RHOT1: variants seen among roughly 807,000 people sequenced by gnomAD.
RHOT1 encodes the protein mitochondrial Rho GTPase 1.
In RHOT1, 27 loss-of-function variants were observed where a neutral mutation model predicts 95.3. That is an observed-to-expected ratio of 0.28 (90% confidence interval 0.21 to 0.39). The LOEUF (loss-of-function observed/expected upper bound fraction) is 0.39, where lower values mean the gene tolerates loss of function less well. RHOT1 is among the 10% of genes least tolerant of loss of function. The pLI is 1.00. For synonymous variants in RHOT1, 227 were observed against 263.5 expected (o/e 0.86, Z 1.34); for missense variants, 578 against 786.7 (o/e 0.73, Z 3.17).
At chr17:32,214,894 C>CTTTTTTTTTT (rs551151153) in intron 19 of RHOT1, among the ~76,000 whole-genome samples, 1 of 52,836 alleles carries the variant, frequency 1.9e-5, no homozygotes, top group African/African-American at 8.1e-5. Flanking sequence ...AAAGGCTTGT[C>CTTTTTTTTTT]TTTTTTTTTT....
chr17:32,171,985 T>C (rs915236870), intron 2 of RHOT1, among the ~76,000 whole-genome samples: 5 of 152,226 alleles, frequency 3.3e-5, no homozygotes, highest in Non-Finnish European at 7.3e-5. Flanking sequence ...GGCTAAACTT[T>C]GCATAAAGTT....
In RHOT1 at chr17:32,208,132, C is replaced by A. The variant is rs374764370; in HGVS notation, c.1562C>A (p.Pro521His). Reference sequence around the variant, plus strand: ...CAACACTTTATGGACAGCAGAATACCTTGCTTAATCGTAGCTGCAAAGTCA... The same window carrying A: ...CAACACTTTATGGACAGCAGAATACATTGCTTAATCGTAGCTGCAAAGTCA... ...FKQHFMDSRI[P>H]CLIVAAKSDL... Residue 521 changes from proline (P) to histidine (H), a missense_variant, in exon 18 of 20, where the codon CCT becomes CAT. By Grantham distance (77) the Pro-to-His change is moderately conservative (BLOSUM62 -2). Transcript: ENST00000545287. 7 of 1,613,954 alleles carry A rather than the reference C, an allele frequency of 4.3e-6. No homozygotes were observed. Among genetic ancestry groups the A allele is most frequent in the Non-Finnish European group, 5.9e-6 (7 of 1,179,906 alleles).
chr17:32,151,198 TG>T, intron 1 of RHOT1: 1 of 762,536 alleles, frequency 1.3e-6, no homozygotes, highest in Non-Finnish European at 2.4e-6. Context: ...GATTTCTGTC[TG>T]GGAACATGGT....
intron 8 of RHOT1, among the ~76,000 whole-genome samples, chr17:32,184,139 T>TA (rs2035851963): frequency 2.0e-5 from 3 of 152,242 alleles, no homozygotes; most frequent in Non-Finnish European, 2.9e-5. Context: ...TCCGTGGTTT[T>TA]TAGTGTATTC....
intron 8 of RHOT1, among the ~76,000 whole-genome samples, chr17:32,191,435 C>T (rs1240954127): frequency 3.3e-5 from 5 of 152,114 alleles, no homozygotes; most frequent in African/African-American, 1.2e-4. Flanking sequence ...TCAGAGCTCT[C>T]CTTGAAGTTT....
intron 2 of RHOT1, 31 bp downstream of exon 2, chr17:32,171,132 T>A (rs1181350330): frequency 6.4e-6 from 9 of 1,414,612 alleles, no homozygotes; most frequent in South Asian, 3.7e-5. Context: ...ATTTAAATTT[T>A]AAAAAATTTA....
In RHOT1 at chr17:32,174,887, TGGG is replaced by T. The variant is rs1351450793; in HGVS notation, c.179-431_179-429del. 2.0e-5 allele frequency among the ~76,000 whole-genome samples: 3 copies of T among 152,220 alleles called. No homozygotes were observed. The East Asian group carries it at 5.8e-4, about 29-fold the overall frequency. On this transcript the variant is annotated intron_variant, in intron 3 of 19. Coordinates refer to ENST00000545287, the MANE Select transcript of RHOT1 (RefSeq NM_001033566.3). Reference sequence around the variant, plus strand: ...CATTATCAAGCTACAGTTTTGCCTCTGGGTCTTGGTTATTATTACTCCCACCTG... The same window carrying T: ...CATTATCAAGCTACAGTTTTGCCTCTTCTTGGTTATTATTACTCCCACCTG...
At chr17:32,209,076 TTTC>T (rs2037952332) in intron 18 of RHOT1, 1 of 185,156 alleles carries the variant, frequency 5.4e-6, no homozygotes, top group East Asian at 1.2e-4. Context: ...CTAAATTATT[TTTC>T]TTCTTATGAA....
intron 1 of RHOT1, among the ~76,000 whole-genome samples, chr17:32,145,222 C>T (rs2031124190): frequency 6.6e-6 from 1 of 151,974 alleles, no homozygotes; most frequent in African/African-American, 2.4e-5. Flanking sequence ...ATGGCTTTCA[C>T]CCAGGAGATG....
At chr17:32,186,623 C>A (rs570071996) in intron 8 of RHOT1, among the ~76,000 whole-genome samples, 1 of 152,062 alleles carries the variant, frequency 6.6e-6, no homozygotes, top group Non-Finnish European at 1.5e-5. Context: ...CCTCGGCCCC[C>A]CAAAGTGCTG....
At chr17:32,198,650 A>G (rs1301384364) in intron 11 of RHOT1, among the ~76,000 whole-genome samples, 1 of 152,218 alleles carries the variant, frequency 6.6e-6, no homozygotes, top group Non-Finnish European at 1.5e-5. Flanking sequence ...TCGAGACTGC[A>G]GTGAGCTGTG....
intron 15 of RHOT1, 36 bp downstream of exon 15, chr17:32,202,936 A>G (rs778919225): frequency 3.1e-6 from 5 of 1,593,220 alleles, no homozygotes; most frequent in African/African-American, 1.4e-5. Context: ...TTATCCAACA[A>G]ATTTTTATAG....
At chr17:32,198,143 G>A (rs1187521674) in intron 11 of RHOT1, among the ~76,000 whole-genome samples, 7 of 152,024 alleles carry the variant, frequency 4.6e-5, no homozygotes, top group South Asian at 4.2e-4. Flanking sequence ...GATCCTCCTT[G>A]CCTCGGTCTC....
chr17:32,145,318 T>C (rs2031154057), intron 1 of RHOT1, among the ~76,000 whole-genome samples: 2 of 152,142 alleles, frequency 1.3e-5, no homozygotes, highest in African/African-American at 4.8e-5. Context: ...TATATATATA[T>C]TGATAATAGT....
chr17:32,166,631 T>C (rs2034113313), intron 1 of RHOT1, among the ~76,000 whole-genome samples: 1 of 152,232 alleles, frequency 6.6e-6, no homozygotes, highest in African/African-American at 2.4e-5. Context: ...GTCATTTCAA[T>C]ATTGCTCACA....
intron 1 of RHOT1, among the ~76,000 whole-genome samples, chr17:32,148,916 C>T (rs781430009): frequency 5.3e-5 from 8 of 152,106 alleles, no homozygotes; most frequent in Non-Finnish European, 1.2e-4. Flanking sequence ...ACATTTGTAG[C>T]CTGGATAAAT....
chr17:32,222,483 G>A (rs1051471446), intron 19 of RHOT1, among the ~76,000 whole-genome samples: 2 of 152,126 alleles, frequency 1.3e-5, no homozygotes, highest in African/African-American at 4.8e-5. Flanking sequence ...AGCCTCATAG[G>A]GATGTTTAGA....
chr17:32,163,003 G>A (rs2033704571), intron 1 of RHOT1, among the ~76,000 whole-genome samples: 1 of 152,156 alleles, frequency 6.6e-6, no homozygotes, highest in South Asian at 2.1e-4. Context: ...ATGCAGAATG[G>A]CCTTATTTGA....
chr17:32,222,755 A>G, intron 19 of RHOT1: 1 of 601,078 alleles, frequency 1.7e-6, no homozygotes, highest in Non-Finnish European at 2.1e-6. Context: ...CATGTGTATA[A>G]AAGGTTAAGA....
Sources: gnomAD v4.1 joint callset for allele counts (sites outside exome capture counted in the v4.1 genomes callset) on GRCh38, gnomAD v4.1.1 for gene constraint, MANE v1.5 for transcripts, NCBI Gene and HGNC (gene_info 2026-07-23, HGNC 2026-07-21) for gene names.